HDX: variants seen among roughly 807,000 people sequenced by gnomAD.
HDX encodes the protein highly divergent homeobox.
In HDX, 19 loss-of-function variants were observed where a neutral mutation model predicts 45.2. The observed-to-expected ratio is 0.42, with a 90% CI of 0.29 to 0.62. The LOEUF (loss-of-function observed/expected upper bound fraction) is 0.62. Ranked by LOEUF, HDX falls within the 20% of genes least tolerant of loss-of-function variation. The pLI is 0.20. For synonymous variants in HDX, 188 were observed against 172.8 expected (o/e 1.09, Z -0.69); for missense variants, 532 against 493.9 (o/e 1.08, Z -0.73).
intron 5 of HDX, among the ~76,000 whole-genome samples, chrX:84,423,722 T>G (rs1288935859): frequency 8.9e-6 from 1 of 111,814 alleles, no homozygotes; most frequent in East Asian, 2.8e-4. Context: ...TTTATGATCG[T>G]TTCAGTTGAC....
chrX:84,458,520 T>C (rs2040165141), intron 4 of HDX, among the ~76,000 whole-genome samples: 1 of 112,229 alleles, frequency 8.9e-6, no homozygotes, highest in East Asian at 2.8e-4. Flanking sequence ...TTTCAATATT[T>C]ACAAATTCCC....
In HDX at chrX:84,427,007, C is replaced by A. The variant is rs901653231; in HGVS notation, c.1305+13525G>T. ...CGGAAATCTGCTGTACAACATCATG[C>A]CTATAATTAACAAAACTGTATTTTG... On this transcript the variant is annotated intron_variant, in intron 5 of 10. Transcript: ENST00000373177. Among the ~76,000 whole-genome samples, 9 of 110,581 alleles carry A rather than the reference C, an allele frequency of 8.1e-5. No homozygotes were observed. The Admixed American group carries it at 8.7e-4, about 11-fold the overall frequency.
intron 5 of HDX, among the ~76,000 whole-genome samples, chrX:84,369,365 A>G (rs939592914): frequency 1.8e-5 from 2 of 112,123 alleles, no homozygotes; most frequent in Middle Eastern, 9.3e-3. Flanking sequence ...GTTGTGAATA[A>G]TGGTATGCAT....
At chrX:84,391,357 C>G (rs2038437881) in intron 5 of HDX, among the ~76,000 whole-genome samples, 2 of 111,802 alleles carry the variant, frequency 1.8e-5, no homozygotes, top group African/African-American at 6.5e-5. Context: ...CATTGACTGA[C>G]ACTTTGGTTA....
chrX:84,337,688 A>T (rs1457862128), intron 7 of HDX, among the ~76,000 whole-genome samples: 2 of 111,757 alleles, frequency 1.8e-5, no homozygotes, highest in African/African-American at 6.5e-5. Flanking sequence ...AAGGGTTATC[A>T]CTGAGGAATA....
intron 5 of HDX, among the ~76,000 whole-genome samples, chrX:84,384,367 G>A (rs763618767): frequency 2.0e-4 from 22 of 110,057 alleles, no homozygotes; most frequent in Admixed American, 1.9e-3. Flanking sequence ...TGCCCATTTT[G>A]TATTGGGGTT....
At chrX:84,333,190 A>T (rs1200576667) in intron 9 of HDX, among the ~76,000 whole-genome samples, 3 of 111,104 alleles carry the variant, frequency 2.7e-5, no homozygotes, top group African/African-American at 9.8e-5. Context: ...ATACAGACTG[A>T]TATCTTATAT....
chrX:84,337,968 CTCTT>C (rs760667999), intron 7 of HDX, among the ~76,000 whole-genome samples: 139 of 111,323 alleles, frequency 1.2e-3, no homozygotes, highest in African/African-American at 4.3e-3. Flanking sequence ...TCCTCTCTCT[CTCTT>C]TATCTCTTCT....
At chrX:84,385,865 G>T (rs2038308309) in intron 5 of HDX, among the ~76,000 whole-genome samples, 1 of 92,548 alleles carries the variant, frequency 1.1e-5, no homozygotes, top group African/African-American at 4.0e-5. Flanking sequence ...TCGCCTGGTG[G>T]CTCTTGCTAG....
intron 5 of HDX, among the ~76,000 whole-genome samples, chrX:84,430,031 T>C (rs970780083): frequency 1.2e-5 from 1 of 82,429 alleles, no homozygotes; most frequent in African/African-American, 3.6e-5. Context: ...TTTGGGAACA[T>C]TCAGTATCCT....
intron 5 of HDX, among the ~76,000 whole-genome samples, chrX:84,378,519 G>A (rs974121309): frequency 2.7e-5 from 3 of 111,248 alleles, no homozygotes; most frequent in African/African-American, 9.8e-5. Flanking sequence ...CAAACTTAAG[G>A]TGTAGAATAT....
At chrX:84,431,910 T>C (rs1249428033) in intron 5 of HDX, among the ~76,000 whole-genome samples, 1 of 111,340 alleles carries the variant, frequency 9.0e-6, no homozygotes, top group African/African-American at 3.3e-5. Flanking sequence ...AAGTCTTTGC[T>C]CAGTCCTATG....
chrX:84,403,856 A>G (rs966252921), intron 5 of HDX: 1 of 111,987 alleles, frequency 8.9e-6, no homozygotes, highest in Non-Finnish European at 1.9e-5. Flanking sequence ...TCCACTGAAA[A>G]GAAGATAAAC....
At chrX:84,377,217 G>A (rs770152791) in intron 5 of HDX, among the ~76,000 whole-genome samples, 18 of 112,123 alleles carry the variant, frequency 1.6e-4, no homozygotes, top group African/African-American at 5.2e-4. Flanking sequence ...AAAGCAGATA[G>A]AGCTTAGATT....
At chrX:84,381,530 A>G (rs1569306909) in intron 5 of HDX, among the ~76,000 whole-genome samples, 1 of 111,504 alleles carries the variant, frequency 9.0e-6, no homozygotes, top group African/African-American at 3.3e-5. Context: ...TAGATAACCC[A>G]GAAACAAATC....
chrX:84,332,127 C>T (rs927675410), intron 9 of HDX, among the ~76,000 whole-genome samples: 2 of 111,225 alleles, frequency 1.8e-5, no homozygotes, highest in African/African-American at 6.5e-5. Context: ...AAATCAGTAA[C>T]AAGAACTGCT....
chrX:84,436,881 G>T (rs1285320595), intron 5 of HDX, among the ~76,000 whole-genome samples: 1 of 107,879 alleles, frequency 9.3e-6, no homozygotes, highest in Non-Finnish European at 1.9e-5. Flanking sequence ...GCGTGTTTTT[G>T]TTGTTGTTGT....
At chrX:84,405,668 G>A (rs1055746519) in intron 5 of HDX, among the ~76,000 whole-genome samples, 1 of 97,495 alleles carries the variant, frequency 1.0e-5, no homozygotes, top group African/African-American at 3.9e-5. Context: ...ATATATATGT[G>A]TGTGTGTGTG....
At chrX:84,471,563 G>T (rs992976013) in intron 3 of HDX, among the ~76,000 whole-genome samples, 6 of 108,918 alleles carry the variant, frequency 5.5e-5, no homozygotes, top group Non-Finnish European at 1.1e-4. Flanking sequence ...AGAGAGCAAA[G>T]ATTCTGTCAA....
Sources: allele counts gnomAD v4.1 joint callset (sites outside exome capture counted in the v4.1 genomes callset), GRCh38; gene constraint gnomAD v4.1.1; transcripts MANE v1.5; gene names NCBI Gene and HGNC (gene_info 2026-07-23, HGNC 2026-07-21).